The following NRXN3 variants were observed in gnomAD, a reference collection of about 807,000 sequenced individuals.
The protein encoded by NRXN3 is neurexin III.
NRXN3 carries 32 observed loss-of-function variants against 137.6 expected under a neutral mutation model. That is an observed-to-expected ratio of 0.23 (90% CI 0.18 to 0.31). The LOEUF is 0.31. Among genes scored for constraint, NRXN3 ranks in the 10% least tolerant of loss-of-function variants. The pLI is 1.00. For synonymous variants in NRXN3, 798 were observed against 784.5 expected, an observed-to-expected ratio of 1.02 and a Z score of -0.29; for missense variants, 1,574 against 2,062.5, an observed-to-expected ratio of 0.76 and a Z score of 4.59.
rs187445778 is a variant in NRXN3 at position 79,650,445 on chromosome 14, T to A, written c.3445-13333T>A. On this transcript the variant is annotated intron_variant, in intron 16 of 20. Transcript: ENST00000335750. ...GTTATTAGAAACATCTCTTATTTAA[T>A]CTCCATCATCACCCAACAAGCTCAG... is the stretch of plus-strand genomic sequence containing the variant. 2.0e-5 allele frequency among the ~76,000 whole-genome samples: 3 copies of A among 152,296 alleles called. No homozygotes were observed. The East Asian group carries it at 5.8e-4, about 29-fold the overall frequency.
intron 15 of NRXN3, among the ~76,000 whole-genome samples, chr14:79,298,001 C>T (rs2084483499): frequency 1.3e-5 from 2 of 152,028 alleles, no homozygotes; most frequent in African/African-American, 4.8e-5. Flanking sequence ...AATTCAATTA[C>T]ATTTCCCAGT....
At chr14:79,226,776 A>G (rs914776035) in intron 15 of NRXN3, among the ~76,000 whole-genome samples, 1 of 145,312 alleles carries the variant, frequency 6.9e-6, no homozygotes, top group Non-Finnish European at 1.5e-5. Flanking sequence ...GATTTCAGCT[A>G]TATTTTGGCT....
chr14:78,594,487 ACC>A (rs2097143165), intron 4 of NRXN3, among the ~76,000 whole-genome samples: 1 of 152,182 alleles, frequency 6.6e-6, no homozygotes, highest in African/African-American at 2.4e-5. Flanking sequence ...AGAACCACTT[ACC>A]CAGGTCATGG....
intron 2 of NRXN3, among the ~76,000 whole-genome samples, chr14:78,254,483 A>G (rs1024090274): frequency 1.3e-5 from 2 of 152,186 alleles, no homozygotes; most frequent in African/African-American, 4.8e-5. Context: ...CATCGAAATC[A>G]TCCTGGCCAA....
At chr14:79,635,367 C>T (rs920782834) in intron 16 of NRXN3, among the ~76,000 whole-genome samples, 6 of 152,156 alleles carry the variant, frequency 3.9e-5, no homozygotes, top group Admixed American at 1.3e-4. Context: ...AATCCACAGA[C>T]ATGGAAGGCA....
chr14:79,020,095 G>A (rs948624388), intron 15 of NRXN3, among the ~76,000 whole-genome samples: 1 of 151,130 alleles, frequency 6.6e-6, no homozygotes, highest in Admixed American at 6.6e-5. Context: ...GATAAGGCTA[G>A]GGATGGCTTC....
intron 19 of NRXN3, among the ~76,000 whole-genome samples, chr14:79,735,023 T>G (rs1442133079): frequency 1.3e-5 from 2 of 152,180 alleles, no homozygotes; most frequent in African/African-American, 4.8e-5. Context: ...TTTATTCAAT[T>G]TAAAGAATAC....
At chr14:79,794,558 A>C (rs191453499) in intron 19 of NRXN3, among the ~76,000 whole-genome samples, 2 of 152,230 alleles carry the variant, frequency 1.3e-5, no homozygotes, top group Admixed American at 1.3e-4. Context: ...TTCTGGTTCA[A>C]AGGGAGAGCA....
intron 15 of NRXN3, among the ~76,000 whole-genome samples, chr14:79,367,735 G>A (rs1036059680): frequency 6.6e-6 from 1 of 152,210 alleles, no homozygotes; most frequent in African/African-American, 2.4e-5. Flanking sequence ...CTGGGAATCA[G>A]TTAAACTTTA....
intron 19 of NRXN3, among the ~76,000 whole-genome samples, chr14:79,768,119 C>A (rs1043471444): frequency 2.6e-5 from 4 of 152,178 alleles, no homozygotes; most frequent in Admixed American, 2.6e-4. Flanking sequence ...CTCGGAGGGT[C>A]CTACGCCCAC....
chr14:78,328,856 A>G (rs1007959831), intron 4 of NRXN3, among the ~76,000 whole-genome samples: 2 of 152,208 alleles, frequency 1.3e-5, no homozygotes, highest in African/African-American at 4.8e-5. Context: ...GAGGATTGAC[A>G]TGTATACATG....
At chr14:78,890,475 C>G (rs2099155868) in intron 10 of NRXN3, among the ~76,000 whole-genome samples, 1 of 151,814 alleles carries the variant, frequency 6.6e-6, no homozygotes, top group South Asian at 2.1e-4. Context: ...GTGGCCATTT[C>G]ATGAAACAAA....
At chr14:78,280,517 C>T (rs2074259913) in intron 3 of NRXN3, among the ~76,000 whole-genome samples, 1 of 152,086 alleles carries the variant, frequency 6.6e-6, no homozygotes, top group Non-Finnish European at 1.5e-5. Context: ...TTGTAAAGTG[C>T]CACGTGGCGG....
At chr14:78,343,834 T>C (rs912915585) in intron 4 of NRXN3, among the ~76,000 whole-genome samples, 3 of 152,194 alleles carry the variant, frequency 2.0e-5, no homozygotes, top group Non-Finnish European at 4.4e-5. Context: ...TCTTTGGGCA[T>C]GGGACCCCAG....
At chr14:78,802,566 CA>C (rs2098842670) in intron 8 of NRXN3, among the ~76,000 whole-genome samples, 3 of 152,122 alleles carry the variant, frequency 2.0e-5, no homozygotes, top group Admixed American at 1.3e-4. Context: ...TTCTTGTCTG[CA>C]AGTAGGAATA....
chr14:79,574,237 C>CAT (rs974774544), intron 16 of NRXN3, among the ~76,000 whole-genome samples: 73 of 151,934 alleles, frequency 4.8e-4, no homozygotes, highest in African/African-American at 1.7e-3. Context: ...CACACACACA[C>CAT]ACACATACAT....
chr14:78,335,398 AG>A (rs2081342644), intron 4 of NRXN3, among the ~76,000 whole-genome samples: 1 of 152,160 alleles, frequency 6.6e-6, no homozygotes, highest in Non-Finnish European at 1.5e-5. Context: ...TTATTTCTCA[AG>A]GTAGATTGTA....
intron 4 of NRXN3, among the ~76,000 whole-genome samples, chr14:78,577,139 A>T (rs61976068): frequency 0.028 from 4,185 of 152,120 alleles, 65 homozygotes; most frequent in Middle Eastern, 0.078. Context: ...GTGCTGACCA[A>T]CTCCCAGCTA....
At chr14:79,107,905 A>G (rs948151104) in intron 15 of NRXN3, among the ~76,000 whole-genome samples, 4 of 152,304 alleles carry the variant, frequency 2.6e-5, no homozygotes, top group African/African-American at 9.6e-5. Flanking sequence ...AGAGCCAAAT[A>G]TATATTTTAT....
Sources: allele counts gnomAD v4.1 joint callset (sites outside exome capture counted in the v4.1 genomes callset), GRCh38; gene constraint gnomAD v4.1.1; transcripts MANE v1.5; gene names NCBI Gene and HGNC (gene_info 2026-07-23, HGNC 2026-07-21).